The following NOTCH2 variants were observed in gnomAD, a reference collection of about 807,000 sequenced individuals.
The protein encoded by NOTCH2 is notch receptor 2, also known as neurogenic locus notch homolog protein 2.
Under a neutral mutation model 235.8 loss-of-function variants are expected in NOTCH2, and 29 were observed. The ratio of observed to expected loss-of-function variants is 0.12; its 90% CI spans 0.09 to 0.17. The LOEUF is 0.17. NOTCH2 is among the 10% of genes least tolerant of loss of function. The probability of loss-of-function intolerance (pLI) is 1.00; values close to 1 mark genes in which losing one functional copy is unlikely to be tolerated. For missense variants in NOTCH2, 2,285 were observed against 3,150.2 expected (o/e 0.73, Z 6.57); for synonymous variants, 1,086 against 1,141.5 (o/e 0.95, Z 0.98).
intron 19 of NOTCH2, among the ~76,000 whole-genome samples, chr1:119,939,137 C>T (rs1045335924): frequency 6.6e-6 from 1 of 152,184 alleles, no homozygotes; most frequent in Non-Finnish European, 1.5e-5. Context: ...AAAACCCACA[C>T]AGACATGGGG....
chr1:119,982,060 A>G (rs1161588108), intron 5 of NOTCH2, among the ~76,000 whole-genome samples: 2 of 152,188 alleles, frequency 1.3e-5, no homozygotes, highest in Admixed American at 1.3e-4. Context: ...AAGCACCATC[A>G]TGAAAATCTC....
intron 19 of NOTCH2, among the ~76,000 whole-genome samples, chr1:119,939,198 T>A (rs1469240189): frequency 6.6e-6 from 1 of 152,206 alleles, no homozygotes; most frequent in South Asian, 2.1e-4. Context: ...AACAGATTTT[T>A]CCCCCACTCA....
chr1:120,036,918 A>AT (rs1242445333), intron 1 of NOTCH2, among the ~76,000 whole-genome samples: 1 of 152,236 alleles, frequency 6.6e-6, no homozygotes, highest in Non-Finnish European at 1.5e-5. Flanking sequence ...TACCAGCTAC[A>AT]TATCACTGGC....
At chr1:120,051,303 T>TA (rs1405839484) in intron 1 of NOTCH2, among the ~76,000 whole-genome samples, 1 of 81,900 alleles carries the variant, frequency 1.2e-5, no homozygotes. Context: ...AAATCAGAGA[T>TA]ACTTAATTCA....
intron 2 of NOTCH2, among the ~76,000 whole-genome samples, chr1:120,015,321 C>T (rs1241789067): frequency 4.6e-5 from 7 of 152,232 alleles, no homozygotes; most frequent in South Asian, 2.1e-4. Context: ...CCCCCCAATC[C>T]GCAGTGGCAG....
chr1:119,938,296 T>C (rs1553196027), intron 19 of NOTCH2, among the ~76,000 whole-genome samples: 1 of 152,062 alleles, frequency 6.6e-6, no homozygotes, highest in African/African-American at 2.4e-5. Context: ...GTCTAATTGA[T>C]ATAAAAAAGA....
At chr1:120,043,124 A>G (rs1454198213) in intron 1 of NOTCH2, among the ~76,000 whole-genome samples, 2 of 151,782 alleles carry the variant, frequency 1.3e-5, no homozygotes, top group African/African-American at 4.9e-5. Flanking sequence ...TCCATACAAT[A>G]TATTTAGGAT....
rs1420965107 is a variant in NOTCH2, at chr1:119,938,806, G to A, written c.3184-796C>T. Among the ~76,000 whole-genome samples the A allele has an allele frequency of 4.0e-5, 6 of 151,792 alleles. No individual in the cohort carries two copies. In the East Asian group the frequency reaches 5.8e-4, roughly 15 times the overall value. On this transcript the variant is annotated intron_variant, in intron 19 of 33. Transcript: ENST00000256646. ...CGCCATTCTCCTGCCTCAGCCTCCC[G>A]AGTAGCTGGGACTACAGGCACCCGC...
intron 2 of NOTCH2, among the ~76,000 whole-genome samples, chr1:120,024,066 T>C (rs1653747716): frequency 6.6e-6 from 1 of 150,946 alleles, no homozygotes; most frequent in African/African-American, 2.4e-5. Flanking sequence ...TTGTTTTATG[T>C]TAAAAAGATA....
intron 1 of NOTCH2, among the ~76,000 whole-genome samples, chr1:120,066,269 A>G (rs1381437662): frequency 6.6e-6 from 1 of 150,468 alleles, no homozygotes; most frequent in Non-Finnish European, 1.5e-5. Context: ...TCATACACAC[A>G]CCTGAAGGTA....
chr1:119,949,759 A>C (rs587722125), intron 15 of NOTCH2, among the ~76,000 whole-genome samples: 2 of 152,280 alleles, frequency 1.3e-5, no homozygotes, highest in East Asian at 3.9e-4. Flanking sequence ...TGCTATGGCT[A>C]TTCTGCTACT....
chr1:120,029,292 TCTAAGAGTATG>T (rs1164898690), intron 2 of NOTCH2, among the ~76,000 whole-genome samples: 1 of 151,718 alleles, frequency 6.6e-6, no homozygotes, highest in Non-Finnish European at 1.5e-5. Flanking sequence ...AAGGGGAGAC[TCTAAGAGTATG>T]CCTTAATCTG....
chr1:119,926,560 T>C lies in NOTCH2; in HGVS notation c.3944A>G (p.Asn1315Ser). ...VDVCPQMPCL[N>S]GGTCAVASNM... ...ACTGGCCACAGCACAAGTCCCTCCA[T>C]TCAGGCAGGGCATCTGGGGACACAC... The change falls in exon 24 of 34, where the codon AAT (asparagine) becomes AGT (serine). Residue 1315 changes from asparagine to serine, a missense_variant. By Grantham distance (46) the Asn-to-Ser change is conservative. This residue lies in a region of NOTCH2 where 1,173 missense variants were observed against 1,515.3 expected (regional missense o/e 0.77). Coordinates refer to ENST00000256646, the MANE Select transcript of NOTCH2 (RefSeq NM_024408.4). The C allele has an allele frequency of 6.2e-7, 1 of 1,609,932 alleles. No homozygotes were observed. Among genetic ancestry groups the C allele is most frequent in the Non-Finnish European group, 8.5e-7 (1 of 1,177,858 alleles).
intron 5 of NOTCH2, among the ~76,000 whole-genome samples, chr1:119,972,330 G>C (rs1459946658): frequency 2.6e-5 from 4 of 152,184 alleles, no homozygotes; most frequent in African/African-American, 9.7e-5. Flanking sequence ...AGGTGGGATT[G>C]AGAAATGAAA....
chr1:119,960,802 T>G (rs1179758548), intron 11 of NOTCH2, among the ~76,000 whole-genome samples: 21 of 152,062 alleles, frequency 1.4e-4, no homozygotes, highest in Non-Finnish European at 2.2e-4. Context: ...GCCTCCCGAT[T>G]ACAGGTGTGT....
At chr1:119,941,835 TAA>T in intron 17 of NOTCH2, 81 bp from the exon 18 acceptor site, 2 of 1,091,122 alleles carry the variant, frequency 1.8e-6, no homozygotes, top group Non-Finnish European at 2.8e-6. Flanking sequence ...TGACCTGAAC[TAA>T]GTCATGCTGG....
rs1553193507 is a variant in NOTCH2, at chr1:119,915,869, G to A, written c.6853C>T (p.Gln2285Ter). Reference sequence around the variant, plus strand: ...TGCTTCCCTTCAGGTGGCCTGCTCTGGGGAGCTATGCCAGGATGGGTGCCC... The same window carrying A: ...TGCTTCCCTTCAGGTGGCCTGCTCTAGGGAGCTATGCCAGGATGGGTGCCC... Reference protein sequence around the residue: ...AEGTHPGIAPQSRPPEGKHIT... With the variant: ...AEGTHPGIAP The change falls in exon 34 of 34, where the codon CAG (glutamine) becomes TAG (stop). Residue 2285 changes from glutamine to a stop codon, truncating the protein, a stop_gained. Coordinates refer to ENST00000256646, the MANE Select transcript of NOTCH2 (RefSeq NM_024408.4). LOFTEE classifies it high-confidence loss of function. The A allele has an allele frequency of 6.2e-7, 1 of 1,614,192 alleles. No homozygotes were observed. The highest frequency in any genetic ancestry group is 8.5e-7 in the Non-Finnish European group (1 of 1,180,034).
chr1:119,971,165 A>G (rs1651344939), intron 5 of NOTCH2, among the ~76,000 whole-genome samples: 1 of 152,068 alleles, frequency 6.6e-6, no homozygotes, highest in South Asian at 2.1e-4. Context: ...ACTCTATCAC[A>G]CTTATTTGGT....
At chr1:120,000,635 G>A (rs1208080451) in intron 3 of NOTCH2, among the ~76,000 whole-genome samples, 4 of 148,180 alleles carry the variant, frequency 2.7e-5, no homozygotes, top group African/African-American at 1.0e-4. Context: ...GACCATTTCA[G>A]AGTGACATTT....
Sources: gnomAD v4.1 joint callset for allele counts (sites outside exome capture counted in the v4.1 genomes callset) on GRCh38, gnomAD v4.1.1 for gene constraint, gnomAD v4.1.1 regional missense constraint, MANE v1.5 for transcripts, NCBI Gene and HGNC (gene_info 2026-07-23, HGNC 2026-07-21) for gene names.